NEK6: variants seen among roughly 807,000 people sequenced by gnomAD.
NEK6 encodes serine/threonine-protein kinase Nek6.
In NEK6, 27 loss-of-function variants were observed where a neutral mutation model predicts 43.5. The ratio of observed to expected loss-of-function variants is 0.62; its 90% CI spans 0.46 to 0.86. NEK6 has a LOEUF of 0.86. Ranked by LOEUF, NEK6 falls within the 40% of genes least tolerant of loss-of-function variation. The probability of loss-of-function intolerance (pLI) is 0.00; values close to 1 mark genes in which losing one functional copy is unlikely to be tolerated. For synonymous variants in NEK6, 167 were observed against 164.1 expected, an observed-to-expected ratio of 1.02 and a Z score of -0.14; for missense variants, 318 against 414.4, an observed-to-expected ratio of 0.77 and a Z score of 2.02.
Position 124,350,931 on chromosome 9 carries a change from G to A in NEK6, c.926G>A (p.Trp309Ter). The change falls in exon 10 of 10, where the codon TGG (tryptophan) becomes TAG (stop). Residue 309 changes from tryptophan (W) to a stop codon, truncating the protein, a stop_gained. Coordinates refer to ENST00000320246, the MANE Select transcript of NEK6 (RefSeq NM_014397.6). LOFTEE classifies it high-confidence loss of function. Reference protein sequence around the residue: ...VHQVAKQMHIWMSST With the variant: ...VHQVAKQMHI Reference sequence around the variant, plus strand: ...CAGGTGGCCAAGCAGATGCACATCTGGATGTCCAGCACCTGAGCGTGGATG... The same window carrying A: ...CAGGTGGCCAAGCAGATGCACATCTAGATGTCCAGCACCTGAGCGTGGATG... 6.2e-7 allele frequency: 1 copy of A among 1,609,240 alleles called. No individual in the cohort carries two copies. The highest frequency in any genetic ancestry group is 8.5e-7 in the Non-Finnish European group (1 of 1,179,468).
At chr9:124,345,595 G>C (rs1432028510) in intron 8 of NEK6, among the ~76,000 whole-genome samples, 1 of 152,196 alleles carries the variant, frequency 6.6e-6, no homozygotes, top group Non-Finnish European at 1.5e-5. Flanking sequence ...ATAAAATTGA[G>C]ATCAAATGGG....
chr9:124,292,211 G>T, intron 1 of NEK6: 1 of 1,265,136 alleles, frequency 7.9e-7, no homozygotes, highest in Non-Finnish European at 1.0e-6. Context: ...CCTTGACCTG[G>T]CTGCACCTCT....
chr9:124,268,045 C>T lies in NEK6; in HGVS notation c.-30+9960C>T, dbSNP rs577821693. ...GTCTGCTGTGCGAAGTCTCTGGATG[C>T]TCAAATGGCTTATGGGGTGGCATCT... On this transcript the variant is annotated intron_variant, in intron 1 of 9. Transcript: ENST00000320246. Among the ~76,000 whole-genome samples the T allele has an allele frequency of 2.6e-5, 4 of 152,320 alleles. No homozygotes were observed. In the South Asian group the frequency reaches 8.3e-4, roughly 32 times the overall value.
chr9:124,345,831 T>C (rs577704819), intron 8 of NEK6, among the ~76,000 whole-genome samples: 1 of 152,216 alleles, frequency 6.6e-6, no homozygotes, highest in East Asian at 1.9e-4. Context: ...ACAGATGTCC[T>C]TTGAAAATGC....
At chr9:124,332,828 A>G (rs1829078559) in intron 7 of NEK6, among the ~76,000 whole-genome samples, 1 of 152,098 alleles carries the variant, frequency 6.6e-6, no homozygotes, top group Non-Finnish European at 1.5e-5. Context: ...TGGGTTTGAA[A>G]TCGGGAGTTC....
chr9:124,311,280 A>G (rs1354756460), intron 2 of NEK6, among the ~76,000 whole-genome samples: 1 of 152,220 alleles, frequency 6.6e-6, no homozygotes, highest in Non-Finnish European at 1.5e-5. Context: ...CATGCTAGAA[A>G]GTTGAACTGC....
intron 1 of NEK6, among the ~76,000 whole-genome samples, chr9:124,262,629 C>T (rs994440083): frequency 2.6e-5 from 4 of 152,234 alleles, no homozygotes; most frequent in African/African-American, 9.6e-5. Context: ...TGGCCACCAC[C>T]GCTGTAGCTG....
At chr9:124,300,118 G>A (rs146622516) in intron 1 of NEK6, 2 of 152,350 alleles carry the variant, frequency 1.3e-5, no homozygotes, top group Admixed American at 6.5e-5. Context: ...GAGCCTCAGG[G>A]TGCCTTTGAG....
At chr9:124,317,460 G>A (rs1359933539) in intron 4 of NEK6, among the ~76,000 whole-genome samples, 6 of 152,152 alleles carry the variant, frequency 3.9e-5, no homozygotes, top group Admixed American at 1.3e-4. Flanking sequence ...TGATCCACCC[G>A]CCTCGGCCTC....
Position 124,326,151 on chromosome 9 carries a change from C to T in NEK6, c.406-179C>T, listed in dbSNP as rs938950669. Among the ~76,000 whole-genome samples the T allele has an allele frequency of 3.9e-5, 6 of 151,984 alleles. No individual in the cohort carries two copies. Among genetic ancestry groups the T allele is most frequent in the South Asian group, 2.1e-4 (1 of 4,820 alleles). On this transcript the variant is annotated intron_variant, in intron 5 of 9. Transcript: ENST00000320246. The surrounding 1 kb of genome is among the most constrained non-coding windows in gnomAD (Gnocchi z 4.5). ...AGTGCCATTCAGGCAGAAGTAGAGG[C>T]GTGGACACAGCACTCTTGGTTCTGG...
rs368522844 is a variant in NEK6, at chr9:124,268,429, G to A, written c.-30+10344G>A. 1.6e-4 allele frequency among the ~76,000 whole-genome samples: 25 copies of A among 152,322 alleles called. 1 individual carries two copies. In the South Asian group the frequency reaches 3.1e-3, roughly 19 times the overall value. On this transcript the variant is annotated intron_variant, in intron 1 of 9. Coordinates refer to ENST00000320246, the MANE Select transcript of NEK6 (RefSeq NM_014397.6). ...AGTCCCTACTGTGTGCCAGCCCATA[G>A]GGTGTGCTGTGTGCCACAGGTGAAT... is the stretch of plus-strand genomic sequence containing the variant.
At chr9:124,312,732 C>T (rs1833599996) in intron 3 of NEK6, 83 bp downstream of exon 3, 1 of 1,404,480 alleles carries the variant, frequency 7.1e-7, no homozygotes, top group Non-Finnish European at 9.7e-7. Flanking sequence ...CCAGTCCCTT[C>T]TCTCCCCTCT....
At chr9:124,295,730 C>T (rs185696840) in intron 1 of NEK6, among the ~76,000 whole-genome samples, 137 of 152,314 alleles carry the variant, frequency 9.0e-4, no homozygotes, top group African/African-American at 3.1e-3. Context: ...GCTCTGTTGG[C>T]GGGGGCTGTT....
intron 7 of NEK6, among the ~76,000 whole-genome samples, chr9:124,328,556 C>G (rs1298273750): frequency 6.6e-6 from 1 of 152,206 alleles, no homozygotes; most frequent in Non-Finnish European, 1.5e-5. Context: ...CATTCCAGCT[C>G]ATTTCCACCC....
chr9:124,300,805 G>A (rs965002614), intron 1 of NEK6, among the ~76,000 whole-genome samples: 3 of 152,200 alleles, frequency 2.0e-5, no homozygotes, highest in African/African-American at 7.2e-5. Context: ...AGGGGAGGGG[G>A]CTCCATTCCT....
At chr9:124,350,716 G>T in intron 9 of NEK6, 121 bp from the exon 10 acceptor site, 1 of 737,144 alleles carries the variant, frequency 1.4e-6, no homozygotes, top group South Asian at 1.5e-5. Flanking sequence ...AGCTCTAACG[G>T]GGACAACGGG....
intron 2 of NEK6, among the ~76,000 whole-genome samples, chr9:124,306,908 G>A (rs2130825856): frequency 6.6e-6 from 1 of 152,308 alleles, no homozygotes; most frequent in Admixed American, 6.5e-5. Flanking sequence ...TATAAGAAAT[G>A]TCATCCTGAT....
At chr9:124,347,665 C>A in intron 8 of NEK6, 44 bp from the exon 9 acceptor site, 2 of 1,318,558 alleles carry the variant, frequency 1.5e-6, no homozygotes, top group African/African-American at 1.5e-5. Context: ...TCCTTCTGAG[C>A]CTTGAGGCCG....
chr9:124,347,594 C>T (rs745565687), intron 8 of NEK6, 115 bp from the exon 9 acceptor site: 5 of 599,896 alleles, frequency 8.3e-6, no homozygotes, highest in South Asian at 2.7e-5. Context: ...CTGGACTCGC[C>T]GCGGTCGGGA....
Sources: allele counts gnomAD v4.1 joint callset (sites outside exome capture counted in the v4.1 genomes callset), GRCh38; gene constraint gnomAD v4.1.1; non-coding constraint Gnocchi (gnomAD v3.1); transcripts MANE v1.5; gene names NCBI Gene and HGNC (gene_info 2026-07-23, HGNC 2026-07-21).